LPIN2: variants seen among roughly 807,000 people sequenced by gnomAD.
LPIN2 encodes lipin 2.
In LPIN2, 55 loss-of-function variants were observed where a neutral mutation model predicts 111.4. That is an observed-to-expected ratio of 0.49 (90% CI 0.40 to 0.62). The LOEUF is 0.62. Ranked by LOEUF, LPIN2 falls within the 20% of genes least tolerant of loss-of-function variation. The probability of loss-of-function intolerance (pLI) is 0.00; values close to 1 mark genes in which losing one functional copy is unlikely to be tolerated. For missense variants in LPIN2, 992 were observed against 1,112.1 expected, an observed-to-expected ratio of 0.89 and a Z score of 1.54; for synonymous variants, 425 against 414.0, an observed-to-expected ratio of 1.03 and a Z score of -0.32.
At chr18:2,920,737 T>C (rs1436200453) in intron 19 of LPIN2, 41 bp downstream of exon 19, 13 of 1,492,742 alleles carry the variant, frequency 8.7e-6, no homozygotes, top group Admixed American at 1.7e-5. Flanking sequence ...ACTGTACCCC[T>C]GGCTGCAGGG....
rs1433591738 is a variant in LPIN2, at chr18:2,926,924, G to C, written c.1711-119C>G. On this transcript the variant is annotated intron_variant, in intron 12 of 19. Transcript: ENST00000677752. ...CCTTCTGAACCCACAACTTAAAAAT[G>C]CTCAAAAACCAGACTTTCTCTATTC... 10 of 779,688 alleles carry C rather than the reference G, an allele frequency of 1.3e-5. No individual in the cohort carries two copies. The East Asian group carries it at 2.7e-4, about 21-fold the overall frequency. 48.3% of individuals were successfully genotyped at this position (779,688 alleles called of 1,614,324 possible).
intron 1 of LPIN2, among the ~76,000 whole-genome samples, chr18:2,998,942 C>G (rs951292289): frequency 1.3e-5 from 2 of 152,202 alleles, no homozygotes; most frequent in Non-Finnish European, 2.9e-5. Context: ...CATTCAGGAA[C>G]ATGCAGAAAT....
chr18:2,930,850 C>G lies in LPIN2; in HGVS notation c.1456+406G>C, dbSNP rs142883578. Among the ~76,000 whole-genome samples the G allele has an allele frequency of 6.4e-3, 970 of 152,312 alleles. 5 individuals carry two copies. The highest frequency in any genetic ancestry group is 0.011 in the Non-Finnish European group (750 of 68,026). ...ACGTACTCAGTGGACAATCAATTTT[C>G]TACAACTTCAGGGCCCTATATTCAT... On this transcript the variant is annotated intron_variant, in intron 9 of 19. Transcript: ENST00000677752.
chr18:3,003,007 A>G (rs1467023898), intron 1 of LPIN2, among the ~76,000 whole-genome samples: 1 of 152,226 alleles, frequency 6.6e-6, no homozygotes, highest in East Asian at 1.9e-4. Flanking sequence ...GCCTAGTAAG[A>G]CCTAGAGGTG....
At chr18:2,971,043 C>T (rs546128703) in intron 1 of LPIN2, among the ~76,000 whole-genome samples, 4 of 152,158 alleles carry the variant, frequency 2.6e-5, no homozygotes, top group Admixed American at 6.5e-5. Context: ...CTTTACTCAA[C>T]GACAGTGTCT....
At chr18:2,955,925 C>CA (rs1359252930) in intron 2 of LPIN2, among the ~76,000 whole-genome samples, 1 of 149,668 alleles carries the variant, frequency 6.7e-6, no homozygotes, top group African/African-American at 2.6e-5. Context: ...AAAAGAAAAA[C>CA]AAACAAAACA....
At chr18:2,927,232 AC>A (rs1157353489) in intron 12 of LPIN2, among the ~76,000 whole-genome samples, 3 of 152,114 alleles carry the variant, frequency 2.0e-5, no homozygotes, top group Non-Finnish European at 4.4e-5. Flanking sequence ...AACTCCCTGA[AC>A]CCTCTTTTTC....
rs139261652 is a variant in LPIN2, at chr18:2,941,490, G to C, written c.591-778C>G. 3.7e-3 allele frequency among the ~76,000 whole-genome samples: 556 copies of C among 152,272 alleles called. 2 individuals are homozygous for C. Among genetic ancestry groups the C allele is most frequent in the African/African-American group, 0.012 (518 of 41,548 alleles). On this transcript the variant is annotated intron_variant, in intron 4 of 19. Transcript: ENST00000677752. ...TATAACTACCTTGCCATATAACCTTGAAAACATCCCTCAGAAGCACTGTGG... is the reference window on the plus strand; with the variant it reads ...TATAACTACCTTGCCATATAACCTTCAAAACATCCCTCAGAAGCACTGTGG...
chr18:2,976,451 G>A (rs907670711), intron 1 of LPIN2, among the ~76,000 whole-genome samples: 3 of 152,192 alleles, frequency 2.0e-5, no homozygotes, highest in Admixed American at 6.5e-5. Context: ...TAGAAAGCAA[G>A]CTACACGTGG....
In LPIN2 at chr18:2,939,468, A is replaced by C; in HGVS notation, c.822+12T>G. The C allele has an allele frequency of 6.8e-6, 11 of 1,613,470 alleles. No individual in the cohort carries two copies. The highest frequency in any genetic ancestry group is 9.3e-6 in the Non-Finnish European group (11 of 1,179,530). ...ATTAACACACTTTCCACAGGCAAGT[A>C]AACCCTAGTACCTTGGTGGACTCTG... On this transcript the variant is annotated intron_variant, in intron 6 of 19. Transcript: ENST00000677752.
In LPIN2 at chr18:2,925,448, T is replaced by C; in HGVS notation, c.1794-80A>G. ...AGCTTTTCATTTAGGATCAAGAAAA[T>C]AAAGATATCCTAAATCTTTTCTAGG... is the stretch of plus-strand genomic sequence containing the variant. On this transcript the variant is annotated intron_variant, in intron 13 of 19. Coordinates refer to ENST00000677752, the MANE Select transcript of LPIN2 (RefSeq NM_001375808.2). The surrounding 1 kb of genome is among the most constrained non-coding windows in gnomAD (Gnocchi z 4.1). 6.3e-6 allele frequency: 10 copies of C among 1,577,772 alleles called. No individual in the cohort carries two copies. Among genetic ancestry groups the C allele is most frequent in the Non-Finnish European group, 8.7e-6 (10 of 1,149,860 alleles).
rs564020380 is a variant in LPIN2, at chr18:2,975,043, G to T, written c.-9-14194C>A. On this transcript the variant is annotated intron_variant, in intron 1 of 19. Transcript: ENST00000677752. ...GTTTAAACCCCAAATGCCATTTTAC[G>T]TACCTCATCTGATTTAATCCTCACA... Among the ~76,000 whole-genome samples, 33 of 152,226 alleles carry T rather than the reference G, an allele frequency of 2.2e-4. No homozygotes were observed. In the East Asian group the frequency reaches 6.4e-3, roughly 29 times the overall value.
Position 2,937,942 on chromosome 18 carries a change from G to T in LPIN2, c.918C>A (p.Asn306Lys). Residue 306 changes from asparagine to lysine, a missense_variant, in exon 7 of 20, where the codon AAC becomes AAA. This residue lies in a region of LPIN2 where 709 missense variants were observed against 753.2 expected (regional missense o/e 0.94). Transcript: ENST00000677752. ...CATCCTTCTCAACTTCACTGATGAG[G>T]TTGTCCTCACTGGGAATTACCCGAA... is the stretch of plus-strand genomic sequence containing the variant. ...THFRVIPSED[N>K]LISEVEKDAS... is the part of the protein sequence containing the mutation. 6.2e-7 allele frequency: 1 copy of T among 1,614,144 alleles called. No homozygotes were observed. Among genetic ancestry groups the T allele is most frequent in the Non-Finnish European group, 8.5e-7 (1 of 1,180,000 alleles).
chr18:2,939,691 G>T, intron 5 of LPIN2, 88 bp from the exon 6 acceptor site: 1 of 1,440,416 alleles, frequency 6.9e-7, no homozygotes, highest in Non-Finnish European at 9.6e-7. Context: ...AAACAAATCT[G>T]AATATCTTGA....
chr18:2,925,276 T>C lies in LPIN2; in HGVS notation c.1886A>G (p.His629Arg). Reference sequence around the variant, plus strand: ...CTTCTTATATGAAGTTGTGCTGCCGTGGCTCAGGGGCTCTGTGGGGATGGG... The same window carrying C: ...CTTCTTATATGAAGTTGTGCTGCCGCGGCTCAGGGGCTCTGTGGGGATGGG... ...VDPIPTEPLS[H>R]GSTTSYKKSL... The change falls in exon 14 of 20, where the codon CAC (histidine) becomes CGC (arginine). Residue 629 changes from histidine (H) to arginine (R), a missense_variant. Around this residue, in one of 4 missense-constraint regions of LPIN2, gnomAD observed 709 missense variants for 753.2 expected, o/e 0.94. Transcript: ENST00000677752. This position sits in a 1 kb window ranked among gnomAD's most constrained non-coding sequence, Gnocchi z 4.1. 6.2e-7 allele frequency: 1 copy of C among 1,614,188 alleles called. No individual in the cohort carries two copies. Among genetic ancestry groups the C allele is most frequent in the Non-Finnish European group, 8.5e-7 (1 of 1,180,022 alleles).
chr18:2,958,166 AAAAAAAAC>A (rs2077649265), intron 2 of LPIN2, among the ~76,000 whole-genome samples: 2 of 146,088 alleles, frequency 1.4e-5, no homozygotes, highest in African/African-American at 5.0e-5. Context: ...AACAACAAAA[AAAAAAAAC>A]AGAAAAAAGA....
chr18:2,953,886 C>T (rs2077574082), intron 3 of LPIN2, among the ~76,000 whole-genome samples: 2 of 152,110 alleles, frequency 1.3e-5, no homozygotes, highest in Admixed American at 6.6e-5. Context: ...CATCAAGAAT[C>T]CGTCGTTAAC....
intron 6 of LPIN2, among the ~76,000 whole-genome samples, chr18:2,938,864 T>C (rs1315775151): frequency 6.6e-6 from 1 of 152,150 alleles, no homozygotes; most frequent in Non-Finnish European, 1.5e-5. Context: ...GTTTAAAATT[T>C]CAGTGTTGGC....
At chr18:2,968,154 T>A (rs1008212127) in intron 1 of LPIN2, among the ~76,000 whole-genome samples, 12 of 152,166 alleles carry the variant, frequency 7.9e-5, no homozygotes, top group Non-Finnish European at 1.8e-4. Flanking sequence ...CTAGGACGAT[T>A]TAGTCCCTGT....
Sources: allele counts gnomAD v4.1 joint callset (sites outside exome capture counted in the v4.1 genomes callset), GRCh38; gene constraint gnomAD v4.1.1; regional missense constraint gnomAD v4.1.1; non-coding constraint Gnocchi (gnomAD v3.1); transcripts MANE v1.5; gene names NCBI Gene and HGNC (gene_info 2026-07-23, HGNC 2026-07-21).